The following MAP3K13 variants were observed in gnomAD, a reference collection of about 807,000 sequenced individuals.
The protein encoded by MAP3K13 is mitogen-activated protein kinase kinase kinase 13.
MAP3K13 carries 52 observed loss-of-function variants against 104.0 expected under a neutral mutation model. The ratio of observed to expected loss-of-function variants is 0.50; its 90% CI spans 0.40 to 0.63. MAP3K13 has a LOEUF of 0.63. MAP3K13 is among the 20% of genes least tolerant of loss of function. The pLI is 0.00. For synonymous variants in MAP3K13, 394 were observed against 442.2 expected (o/e 0.89, Z 1.37); for missense variants, 914 against 1,218.5 (o/e 0.75, Z 3.72).
Position 185,450,291 on chromosome 3 carries a change from T to A in MAP3K13, c.1169+233T>A, listed in dbSNP as rs1715811396. 6.6e-6 allele frequency among the ~76,000 whole-genome samples: 1 copy of A among 152,196 alleles called. No homozygotes were observed. Among genetic ancestry groups the A allele is most frequent in the African/African-American group, 2.4e-5 (1 of 41,442 alleles). On this transcript the variant is annotated intron_variant, in intron 6 of 13. Coordinates refer to ENST00000265026, the MANE Select transcript of MAP3K13 (RefSeq NM_004721.5). The surrounding 1 kb of genome is among the most constrained non-coding windows in gnomAD (Gnocchi z 4.2). ...TTATTGTGTTGTAATTAATTAAAATTTAGAAATAAAGAACTTGGTGTTATT... is the reference window on the plus strand; with the variant it reads ...TTATTGTGTTGTAATTAATTAAAATATAGAAATAAAGAACTTGGTGTTATT...
intron 10 of MAP3K13, among the ~76,000 whole-genome samples, chr3:185,470,516 C>T (rs1334289644): frequency 6.6e-6 from 1 of 152,210 alleles, no homozygotes; most frequent in African/African-American, 2.4e-5. Context: ...CCGTCTCTTC[C>T]TGCTTCTACT....
At chr3:185,324,250 C>T (rs1200115522) in intron 2 of MAP3K13, among the ~76,000 whole-genome samples, 2 of 151,978 alleles carry the variant, frequency 1.3e-5, no homozygotes, top group Non-Finnish European at 2.9e-5. Flanking sequence ...TATCTCCTGA[C>T]CTCGTGATCC....
intron 2 of MAP3K13, among the ~76,000 whole-genome samples, chr3:185,431,577 C>T (rs6444069): frequency 0.69 from 104,221 of 151,878 alleles, 36,031 homozygotes; most frequent in Middle Eastern, 0.77. Flanking sequence ...AGTTCTCTCA[C>T]CAAGAAATTC....
At chr3:185,368,014 G>A (rs776559652) in intron 1 of MAP3K13, among the ~76,000 whole-genome samples, 4 of 152,100 alleles carry the variant, frequency 2.6e-5, no homozygotes, top group East Asian at 1.9e-4. Context: ...AAAATTAGCC[G>A]GATGTGGTGG....
intron 1 of MAP3K13, among the ~76,000 whole-genome samples, chr3:185,380,923 C>T (rs1215216112): frequency 6.6e-6 from 1 of 151,734 alleles, no homozygotes; most frequent in Non-Finnish European, 1.5e-5. Flanking sequence ...AGGAAATACT[C>T]CTAAAAGAGG....
chr3:185,461,196 G>A (rs1717078277), intron 7 of MAP3K13, among the ~76,000 whole-genome samples: 1 of 152,158 alleles, frequency 6.6e-6, no homozygotes. Context: ...ATGCAGTAGT[G>A]TATTCTGATG....
chr3:185,389,229 G>C (rs6444063), intron 1 of MAP3K13, among the ~76,000 whole-genome samples: 148,203 of 152,254 alleles, frequency 0.97, 72,155 homozygotes, highest in East Asian at 1. Flanking sequence ...CCAAATTTCT[G>C]TACACAATCC....
intron 2 of MAP3K13, among the ~76,000 whole-genome samples, chr3:185,325,095 T>C (rs1302777138): frequency 6.6e-6 from 1 of 152,234 alleles, no homozygotes; most frequent in Non-Finnish European, 1.5e-5. Context: ...TTACTAATAA[T>C]TTGGGTGAAA....
At chr3:185,456,768 A>G (rs1469594464) in intron 7 of MAP3K13, among the ~76,000 whole-genome samples, 1 of 151,696 alleles carries the variant, frequency 6.6e-6, no homozygotes, top group Non-Finnish European at 1.5e-5. Flanking sequence ...CACTCGGTTA[A>G]TTTTTGTATT....
chr3:185,317,668 G>A (rs1721724074), intron 2 of MAP3K13, among the ~76,000 whole-genome samples: 1 of 152,118 alleles, frequency 6.6e-6, no homozygotes, highest in Admixed American at 6.6e-5. Context: ...TTCTTGAAGT[G>A]GGTAAACGTG....
At chr3:185,335,581 A>G (rs1285222921) in intron 2 of MAP3K13, among the ~76,000 whole-genome samples, 1 of 152,128 alleles carries the variant, frequency 6.6e-6, no homozygotes, top group East Asian at 1.9e-4. Flanking sequence ...GTATCGGTGG[A>G]GGATTGGTTC....
chr3:185,384,168 A>G (rs1168960304), intron 1 of MAP3K13, among the ~76,000 whole-genome samples: 1 of 151,848 alleles, frequency 6.6e-6, no homozygotes, highest in Non-Finnish European at 1.5e-5. Context: ...ACTTTTTTTT[A>G]GCTCCCACAT....
intron 2 of MAP3K13, among the ~76,000 whole-genome samples, chr3:185,326,911 C>A (rs528489960): frequency 2.8e-4 from 42 of 152,196 alleles, no homozygotes; most frequent in African/African-American, 9.6e-4. Context: ...TTTTCATTTG[C>A]GTATTCTGTT....
intron 1 of MAP3K13, among the ~76,000 whole-genome samples, chr3:185,397,090 A>C (rs1423968704): frequency 6.6e-6 from 1 of 152,074 alleles, no homozygotes; most frequent in Non-Finnish European, 1.5e-5. Context: ...AGAATCTTAC[A>C]ATTGAAAGAC....
At chr3:185,300,440 C>T (rs1213027270) in intron 2 of MAP3K13, among the ~76,000 whole-genome samples, 1 of 151,762 alleles carries the variant, frequency 6.6e-6, no homozygotes, top group Admixed American at 6.6e-5. Context: ...TCCCAAAGTG[C>T]TGGGATTACA....
At position 185,356,571 on chromosome 3, in the gene MAP3K13, G is replaced by A. The variant is rs546106810; in HGVS notation, c.-86+70928G>A. On this transcript the variant is annotated intron_variant, in intron 2 of 14. Coordinates refer to the MAP3K13 transcript ENST00000424227. Reference sequence around the variant, plus strand: ...ATATGGATGGAGACGACAGCCCTCTGCCTACTTGTCCTTACAGCTAGTATC... The same window carrying A: ...ATATGGATGGAGACGACAGCCCTCTACCTACTTGTCCTTACAGCTAGTATC... Among the ~76,000 whole-genome samples, 10 of 152,236 alleles carry A rather than the reference G, an allele frequency of 6.6e-5. No homozygotes were observed. In the South Asian group the frequency reaches 2.1e-3, roughly 32 times the overall value.
At chr3:185,381,225 G>T (rs925315757) in intron 1 of MAP3K13, among the ~76,000 whole-genome samples, 5 of 152,184 alleles carry the variant, frequency 3.3e-5, no homozygotes, top group Admixed American at 6.5e-5. Context: ...GCCTCCCAAA[G>T]TGCTAGGATT....
chr3:185,438,836 G>C (rs1715179956), intron 3 of MAP3K13, among the ~76,000 whole-genome samples: 1 of 152,164 alleles, frequency 6.6e-6, no homozygotes. Flanking sequence ...AGTATCTTTA[G>C]GTAGGATGAA....
chr3:185,480,331 A>C lies in MAP3K13; in HGVS notation c.2601A>C (p.Ser867=), dbSNP rs1270369652. The part of the protein sequence containing the change: ...DGEEGNTSDH[S]NSPDELADKL... ...AAGAGGGAAATACCAGTGACCACTC[A>C]AACAGTCCTGATGAGTTAGCTGATA... The change falls in exon 13 of 14, where the codon TCA becomes TCC. Residue 867 remains serine, a synonymous_variant. Coordinates refer to ENST00000265026, the MANE Select transcript of MAP3K13 (RefSeq NM_004721.5). 6.2e-7 allele frequency: 1 copy of C among 1,614,102 alleles called. No homozygotes were observed. The highest frequency in any genetic ancestry group is 2.2e-5 in the East Asian group (1 of 44,900).
Sources: allele counts gnomAD v4.1 joint callset (sites outside exome capture counted in the v4.1 genomes callset), GRCh38; gene constraint gnomAD v4.1.1; non-coding constraint Gnocchi (gnomAD v3.1); transcripts MANE v1.5; gene names NCBI Gene and HGNC (gene_info 2026-07-23, HGNC 2026-07-21).